PCDH11X: variants seen among roughly 807,000 people sequenced by gnomAD.
PCDH11X encodes the protein protocadherin 11 X-linked.
A neutral mutation model predicts 53.3 loss-of-function variants in PCDH11X; 18 were observed. That is an observed-to-expected ratio of 0.34 (90% CI 0.23 to 0.50). PCDH11X has a LOEUF of 0.50. Ranked by LOEUF, PCDH11X falls within the 20% of genes least tolerant of loss-of-function variation. PCDH11X has a pLI of 0.98. For synonymous variants in PCDH11X, 279 were observed against 393.3 expected (o/e 0.71, Z 3.44); for missense variants, 570 against 1,032.4 (o/e 0.55, Z 6.14).
intron 6 of PCDH11X, among the ~76,000 whole-genome samples, chrX:92,199,893 T>G (rs2066360258): frequency 1.8e-5 from 2 of 111,473 alleles, no homozygotes; most frequent in Non-Finnish European, 3.8e-5. Flanking sequence ...TAAATGGACA[T>G]ATGAATACAG....
rs777666325 is a variant in PCDH11X at position 92,123,023 on chromosome X, C to T, written c.3034-78352C>T. Among the ~76,000 whole-genome samples, 3 of 111,350 alleles carry T rather than the reference C, an allele frequency of 2.7e-5. No homozygotes were observed. In the South Asian group the frequency reaches 1.1e-3, roughly 42 times the overall value. On this transcript the variant is annotated intron_variant, in intron 6 of 10. Coordinates refer to ENST00000682573, the MANE Select transcript of PCDH11X (RefSeq NM_032968.5). Reference sequence around the variant, plus strand: ...CCCTCCATCTACCCTTTGCTTTAACCATTTACCCTATGCTTTAACTACGGC... The same window carrying T: ...CCCTCCATCTACCCTTTGCTTTAACTATTTACCCTATGCTTTAACTACGGC...
At chrX:92,527,213 G>A (rs978937421) in intron 10 of PCDH11X, among the ~76,000 whole-genome samples, 1 of 111,301 alleles carries the variant, frequency 9.0e-6, no homozygotes, top group African/African-American at 3.3e-5. Flanking sequence ...TGACACAATA[G>A]CATCACTATA....
chrX:92,143,947 G>A (rs1208907192), intron 6 of PCDH11X, among the ~76,000 whole-genome samples: 25 of 111,866 alleles, frequency 2.2e-4, no homozygotes, highest in South Asian at 1.5e-3. Context: ...TTGCATCCGC[G>A]TGACCTGTAT....
At chrX:91,849,287 A>T (rs1018190488) in intron 5 of PCDH11X, among the ~76,000 whole-genome samples, 7 of 110,768 alleles carry the variant, frequency 6.3e-5, no homozygotes, top group African/African-American at 2.0e-4. Context: ...TAGTTTTTTT[A>T]AAGTTTTATT....
rs767982811 is a variant in PCDH11X at position 92,618,951 on chromosome X, G to A, written c.*11G>A. The A allele has an allele frequency of 1.4e-5, 17 of 1,210,181 alleles. No individual in the cohort carries two copies. Among genetic ancestry groups the A allele is most frequent in the Non-Finnish European group, 1.8e-5 (16 of 894,334 alleles). ...GAACATCCCTTGTAAAGCTAAAATA[G>A]TTACTTCAAATTTTCAGAAAAGATG... On this transcript the variant is annotated 3_prime_UTR_variant, in exon 11 of 11. Coordinates refer to ENST00000682573, the MANE Select transcript of PCDH11X (RefSeq NM_032968.5).
intron 6 of PCDH11X, among the ~76,000 whole-genome samples, chrX:91,930,884 G>A (rs1942110379): frequency 9.4e-6 from 1 of 106,389 alleles, no homozygotes; most frequent in Admixed American, 1.1e-4. Flanking sequence ...TGGTTATGGT[G>A]TTCAGACTTG....
chrX:91,932,141 CCCTGCAA>C (rs2061393433), intron 6 of PCDH11X, among the ~76,000 whole-genome samples: 1 of 107,833 alleles, frequency 9.3e-6, no homozygotes, highest in African/African-American at 3.5e-5. Flanking sequence ...CCATCCATGT[CCCTGCAA>C]AGGACGTGAT....
chrX:92,578,408 C>T (rs760394438), intron 10 of PCDH11X, among the ~76,000 whole-genome samples: 10 of 110,495 alleles, frequency 9.1e-5, no homozygotes, highest in African/African-American at 2.6e-4. Flanking sequence ...GAGTCTAAGT[C>T]TCTTTGGAGG....
In PCDH11X at chrX:92,176,260, T is replaced by C. The variant is rs560791780; in HGVS notation, c.3034-25115T>C. On this transcript the variant is annotated intron_variant, in intron 6 of 10. Transcript: ENST00000682573. ...CTTTTGAGTTGATTCTTATATTCAT[T>C]GTAATGGATTTCACGAGGGCTTTAA... Among the ~76,000 whole-genome samples, 37 of 112,016 alleles carry C rather than the reference T, an allele frequency of 3.3e-4. 1 individual carries two copies. The highest frequency in any genetic ancestry group is 1.0e-3 in the African/African-American group (32 of 30,869).
intron 8 of PCDH11X, among the ~76,000 whole-genome samples, chrX:92,360,109 T>C (rs2148538398): frequency 9.0e-6 from 1 of 111,220 alleles, no homozygotes; most frequent in African/African-American, 3.2e-5. Flanking sequence ...AAGCTTAAGA[T>C]ACAACATTTC....
At chrX:92,599,380 G>C (rs1441661815) in intron 10 of PCDH11X, among the ~76,000 whole-genome samples, 1 of 110,940 alleles carries the variant, frequency 9.0e-6, no homozygotes, top group Non-Finnish European at 1.9e-5. Flanking sequence ...TGTTGTGGGA[G>C]GGACCCAGTG....
intron 6 of PCDH11X, among the ~76,000 whole-genome samples, chrX:92,124,461 C>T (rs778435285): frequency 3.7e-5 from 4 of 109,388 alleles, no homozygotes; most frequent in Non-Finnish European, 5.7e-5. Flanking sequence ...AGGAGAATCG[C>T]TTGAACCTGG....
intron 6 of PCDH11X, among the ~76,000 whole-genome samples, chrX:91,984,650 G>T (rs1003906923): frequency 9.0e-6 from 1 of 110,646 alleles, no homozygotes; most frequent in Non-Finnish European, 1.9e-5. Flanking sequence ...TTTACTTTAG[G>T]TATCCGTGGA....
intron 8 of PCDH11X, among the ~76,000 whole-genome samples, chrX:92,295,939 T>C (rs2068598772): frequency 9.1e-6 from 1 of 109,390 alleles, no homozygotes; most frequent in Non-Finnish European, 1.9e-5. Context: ...AAAAATTAGC[T>C]GGGCATGGTG....
chrX:92,216,425 T>C (rs1408594546), intron 7 of PCDH11X, among the ~76,000 whole-genome samples: 3 of 103,735 alleles, frequency 2.9e-5, no homozygotes, highest in Non-Finnish European at 5.9e-5. Context: ...CAGGAGCCGA[T>C]GCGATCAACT....
chrX:92,180,674 T>G (rs1001039792), intron 6 of PCDH11X, among the ~76,000 whole-genome samples: 1 of 111,305 alleles, frequency 9.0e-6, no homozygotes, highest in Non-Finnish European at 1.9e-5. Flanking sequence ...GGGGCAAGTC[T>G]TTCCCGTGCT....
intron 6 of PCDH11X, among the ~76,000 whole-genome samples, chrX:92,044,065 A>G (rs1243342536): frequency 9.0e-6 from 1 of 111,169 alleles, no homozygotes; most frequent in Non-Finnish European, 1.9e-5. Context: ...TGAACATGGA[A>G]AGGATGTAAT....
intron 8 of PCDH11X, among the ~76,000 whole-genome samples, chrX:92,280,241 G>T (rs112058778): frequency 9.0e-6 from 1 of 111,606 alleles, no homozygotes; most frequent in Admixed American, 9.6e-5. Context: ...GCCTAATGAT[G>T]CATTTCTTAG....
chrX:92,268,300 G>GTT lies in PCDH11X; in HGVS notation c.3144+5166_3144+5167dup, dbSNP rs199740544. 3.5e-4 allele frequency among the ~76,000 whole-genome samples: 36 copies of GTT among 103,990 alleles called. 1 individual carries two copies. Among genetic ancestry groups the GTT allele is most frequent in the East Asian group, 2.2e-3 (7 of 3,218 alleles). The allele number at this position is 103,990 out of a possible 115,157, so 90.3% of individuals were successfully genotyped here. ...CAGTTTAGTGTTATTAGTATGTTTT[G>GTT]TTTTTTTTTTAAGACAGAGTCTCAC... On this transcript the variant is annotated intron_variant, in intron 8 of 10. Coordinates refer to ENST00000682573, the MANE Select transcript of PCDH11X (RefSeq NM_032968.5).
Sources: allele counts gnomAD v4.1 joint callset (sites outside exome capture counted in the v4.1 genomes callset), GRCh38; gene constraint gnomAD v4.1.1; transcripts MANE v1.5; gene names NCBI Gene and HGNC (gene_info 2026-07-23, HGNC 2026-07-21).